The following TMEM131 variants were observed in gnomAD, a reference collection of about 807,000 sequenced individuals.
The protein encoded by TMEM131 is 2610524E03Rik.
TMEM131 carries 66 observed loss-of-function variants against 211.6 expected under a neutral mutation model. That is an observed-to-expected ratio of 0.31 (90% CI 0.26 to 0.38). TMEM131 has a LOEUF of 0.38. Ranked by LOEUF, TMEM131 falls within the 10% of genes least tolerant of loss-of-function variation. TMEM131 has a pLI of 1.00. For missense variants in TMEM131, 2,036 were observed against 2,299.3 expected, an observed-to-expected ratio of 0.89 and a Z score of 2.34; for synonymous variants, 844 against 841.3, an observed-to-expected ratio of 1.00 and a Z score of -0.06.
Position 97,802,534 on chromosome 2 carries a change from C to T in TMEM131, c.2545G>A (p.Glu849Lys). 6.2e-7 allele frequency: 1 copy of T among 1,607,468 alleles called. No homozygotes were observed. Among genetic ancestry groups the T allele is most frequent in the Non-Finnish European group, 8.5e-7 (1 of 1,177,710 alleles). ...PLTNTNCSSE[E>K]EITLENPADV... Reference sequence around the variant, plus strand: ...GCAGGATTTTCTAAAGTAATCTCTTCTTCCTTAAACAAAATAATGAAACAT... The same window carrying T: ...GCAGGATTTTCTAAAGTAATCTCTTTTTCCTTAAACAAAATAATGAAACAT... Residue 849 changes from glutamate to lysine, a missense_variant, in exon 24 of 41, where the codon GAA becomes AAA. Physicochemically the swap from Glu to Lys is moderately conservative, Grantham distance 56 (BLOSUM62 1). Coordinates refer to ENST00000186436, the MANE Select transcript of TMEM131 (RefSeq NM_015348.2).
chr2:97,827,139 G>T, intron 11 of TMEM131: 1 of 499,734 alleles, frequency 2.0e-6, no homozygotes, highest in Non-Finnish European at 3.6e-6. Flanking sequence ...TTTGCTAAAA[G>T]TTAACAGTGT....
chr2:97,940,849 C>T (rs1473518805), intron 1 of TMEM131, among the ~76,000 whole-genome samples: 1 of 151,740 alleles, frequency 6.6e-6, no homozygotes, highest in Non-Finnish European at 1.5e-5. Flanking sequence ...GAAGAACATT[C>T]CATGCTCATG....
intron 17 of TMEM131, among the ~76,000 whole-genome samples, chr2:97,811,960 G>C (rs940142000): frequency 6.6e-6 from 1 of 151,688 alleles, no homozygotes; most frequent in African/African-American, 2.4e-5. Flanking sequence ...TTATTAGACA[G>C]GTAAAAATAT....
At chr2:97,891,599 G>A (rs1028312660) in intron 3 of TMEM131, among the ~76,000 whole-genome samples, 1 of 152,142 alleles carries the variant, frequency 6.6e-6, no homozygotes, top group African/African-American at 2.4e-5. Flanking sequence ...AATCTTGTGG[G>A]AAATGGTCAT....
At chr2:97,822,673 C>T (rs1405175573) in intron 11 of TMEM131, among the ~76,000 whole-genome samples, 1 of 152,066 alleles carries the variant, frequency 6.6e-6, no homozygotes, top group Non-Finnish European at 1.5e-5. Flanking sequence ...CTTGGTCCTC[C>T]TTGTGGTCTA....
intron 35 of TMEM131, 53 bp downstream of exon 35, chr2:97,766,061 G>C: frequency 6.2e-7 from 1 of 1,603,248 alleles, no homozygotes; most frequent in East Asian, 2.2e-5. Context: ...TGCCCAGAGT[G>C]GGGTGGATTG....
intron 5 of TMEM131, among the ~76,000 whole-genome samples, chr2:97,853,389 G>A (rs959445834): frequency 3.5e-5 from 5 of 144,802 alleles, no homozygotes; most frequent in African/African-American, 1.3e-4. Context: ...GAAGTCAGGA[G>A]TTCGAGACCA....
At chr2:97,891,741 G>A (rs1323074377) in intron 3 of TMEM131, among the ~76,000 whole-genome samples, 1 of 152,030 alleles carries the variant, frequency 6.6e-6, no homozygotes, top group African/African-American at 2.4e-5. Flanking sequence ...ATACTCTTTG[G>A]CCCAGCATTT....
chr2:97,888,718 C>G (rs184095312), intron 3 of TMEM131, among the ~76,000 whole-genome samples: 1 of 152,302 alleles, frequency 6.6e-6, no homozygotes, highest in African/African-American at 2.4e-5. Flanking sequence ...TTCTGAATAG[C>G]AAACCTCAGA....
chr2:97,799,226 C>A (rs1187218952), intron 25 of TMEM131, among the ~76,000 whole-genome samples: 1 of 151,834 alleles, frequency 6.6e-6, no homozygotes, highest in Non-Finnish European at 1.5e-5. Flanking sequence ...TGGTATCAAA[C>A]TTTCCTAGCA....
intron 1 of TMEM131, among the ~76,000 whole-genome samples, chr2:97,979,758 T>C (rs1170828233): frequency 6.6e-6 from 1 of 152,226 alleles, no homozygotes; most frequent in East Asian, 1.9e-4. Flanking sequence ...GCTGTTTTGC[T>C]TTCTTATCAT....
chr2:97,787,128 C>T (rs1482277668), intron 31 of TMEM131, among the ~76,000 whole-genome samples: 1 of 152,144 alleles, frequency 6.6e-6, no homozygotes, highest in Non-Finnish European at 1.5e-5. Context: ...ATTTAAACTG[C>T]CTCTAATCTG....
chr2:97,968,393 C>A (rs538799092), intron 1 of TMEM131, among the ~76,000 whole-genome samples: 1 of 151,994 alleles, frequency 6.6e-6, no homozygotes. Context: ...GAACTTCGGA[C>A]GTAAACATGG....
At position 97,995,741 on chromosome 2, in the gene TMEM131, G is replaced by T. The variant is rs1338423705; in HGVS notation, c.-79C>A. On this transcript the variant is annotated 5_prime_UTR_variant, in exon 1 of 41. Transcript: ENST00000186436. Reference sequence around the variant, plus strand: ...AGGCGGCGGCGGCGCGGAAGCCGTGGTCCGGGCTCTGGCCGCGGCGCCGGG... The same window carrying T: ...AGGCGGCGGCGGCGCGGAAGCCGTGTTCCGGGCTCTGGCCGCGGCGCCGGG... 3 of 1,079,956 alleles carry T rather than the reference G, an allele frequency of 2.8e-6. No homozygotes were observed. In the African/African-American group the frequency reaches 5.0e-5, roughly 18 times the overall value. The allele number at this position is 1,079,956 out of a possible 1,614,324, so 66.9% of individuals were successfully genotyped here. A position where few individuals can be genotyped will look rare whatever the true frequency, so the allele number is the denominator to read the frequency against.
Position 97,918,630 on chromosome 2 carries a change from C to T in TMEM131, c.249+8796G>A, listed in dbSNP as rs545001686. Among the ~76,000 whole-genome samples, 11 of 151,982 alleles carry T rather than the reference C, an allele frequency of 7.2e-5. No individual in the cohort carries two copies. In the South Asian group the frequency reaches 1.9e-3, roughly 26 times the overall value. ...AACAACAAAAACAACAACAAAAAGG[C>T]GGGTGGGGGAAATAGCATAAAGGAG... On this transcript the variant is annotated intron_variant, in intron 2 of 40. Coordinates refer to ENST00000186436, the MANE Select transcript of TMEM131 (RefSeq NM_015348.2).
At chr2:97,840,858 C>T (rs1182371311) in intron 7 of TMEM131, among the ~76,000 whole-genome samples, 2 of 152,160 alleles carry the variant, frequency 1.3e-5, no homozygotes, top group African/African-American at 2.4e-5. Context: ...AGATTTCTTT[C>T]GTGCTGCTTT....
intron 17 of TMEM131, 87 bp from the exon 18 acceptor site, chr2:97,811,319 T>C: frequency 1.0e-6 from 1 of 956,920 alleles, no homozygotes; most frequent in South Asian, 1.3e-5. Flanking sequence ...AGCGATAAAA[T>C]GACTAACAAA....
At chr2:97,813,941 T>A (rs1441506282) in intron 15 of TMEM131, 30 bp downstream of exon 15, 1 of 1,517,418 alleles carries the variant, frequency 6.6e-7, no homozygotes, top group Non-Finnish European at 8.9e-7. Flanking sequence ...GGCAGGGAGT[T>A]TAAATGTTAA....
intron 1 of TMEM131, among the ~76,000 whole-genome samples, chr2:97,989,958 T>C (rs1476945747): frequency 1.3e-5 from 2 of 152,204 alleles, no homozygotes; most frequent in Admixed American, 6.5e-5. Context: ...CTAATGGAAG[T>C]CTGCGAGAGA....
Sources: gnomAD v4.1 joint callset for allele counts (sites outside exome capture counted in the v4.1 genomes callset) on GRCh38, gnomAD v4.1.1 for gene constraint, MANE v1.5 for transcripts, NCBI Gene and HGNC (gene_info 2026-07-23, HGNC 2026-07-21) for gene names.